CNTLN: variants seen among roughly 807,000 people sequenced by gnomAD.
The protein encoded by CNTLN is centlein, centrosomal protein.
CNTLN carries 212 observed loss-of-function variants against 180.0 expected under a neutral mutation model. That is an observed-to-expected ratio of 1.18 (90% CI 1.05 to 1.32). The LOEUF (loss-of-function observed/expected upper bound fraction) is 1.32, where lower values mean the gene tolerates loss of function less well. Among genes scored for constraint, CNTLN ranks in the 40% most tolerant of loss-of-function variants. The pLI is 0.00. For synonymous variants in CNTLN, 722 were observed against 563.1 expected (o/e 1.28, Z -3.99); for missense variants, 2,095 against 1,610.9 (o/e 1.30, Z -5.14).
intron 2 of CNTLN, among the ~76,000 whole-genome samples, chr9:17,150,483 G>C (rs142067704): frequency 2.6e-5 from 4 of 152,174 alleles, no homozygotes; most frequent in Non-Finnish European, 5.9e-5. Context: ...TTATTTCTGA[G>C]GCCTCCATTC....
At chr9:17,387,494 A>T (rs1216512868) in intron 13 of CNTLN, among the ~76,000 whole-genome samples, 2 of 151,936 alleles carry the variant, frequency 1.3e-5, no homozygotes, top group Non-Finnish European at 2.9e-5. Flanking sequence ...TTTTTCTTTA[A>T]GGTTGTTAAG....
At chr9:17,218,366 C>T (rs1459275856) in intron 2 of CNTLN, among the ~76,000 whole-genome samples, 2 of 151,852 alleles carry the variant, frequency 1.3e-5, no homozygotes, top group African/African-American at 4.8e-5. Context: ...TTTGCTTTTA[C>T]TGTGGAGTAA....
At chr9:17,327,146 T>TA (rs1820348192) in intron 8 of CNTLN, among the ~76,000 whole-genome samples, 1 of 150,776 alleles carries the variant, frequency 6.6e-6, no homozygotes, top group African/African-American at 2.4e-5. Flanking sequence ...ATAAAAAAAC[T>TA]GTTGTAAAAA....
chr9:17,377,442 G>C (rs1369668834), intron 13 of CNTLN, among the ~76,000 whole-genome samples: 2 of 152,156 alleles, frequency 1.3e-5, no homozygotes, highest in Non-Finnish European at 2.9e-5. Flanking sequence ...CTGGTAGGCT[G>C]AGACAGGATA....
intron 13 of CNTLN, among the ~76,000 whole-genome samples, chr9:17,377,644 G>C (rs1185045984): frequency 1.3e-5 from 2 of 152,142 alleles, no homozygotes; most frequent in Non-Finnish European, 2.9e-5. Flanking sequence ...AGATGTTTGA[G>C]AATATGATTC....
intron 2 of CNTLN, among the ~76,000 whole-genome samples, chr9:17,210,902 G>A (rs941897169): frequency 2.0e-4 from 30 of 152,028 alleles, no homozygotes; most frequent in Non-Finnish European, 3.5e-4. Flanking sequence ...TGATGGGGTT[G>A]TTTGTTTTTT....
chr9:17,295,792 T>C (rs1817858838), intron 6 of CNTLN, among the ~76,000 whole-genome samples: 2 of 151,958 alleles, frequency 1.3e-5, no homozygotes, highest in Non-Finnish European at 2.9e-5. Context: ...TTCCCGAGGG[T>C]TGTGTGGGGC....
At chr9:17,461,366 T>C (rs927551739) in intron 19 of CNTLN, among the ~76,000 whole-genome samples, 1 of 151,642 alleles carries the variant, frequency 6.6e-6, no homozygotes, top group African/African-American at 2.4e-5. Flanking sequence ...GTGCTGGAAA[T>C]AAGACACAAT....
intron 5 of CNTLN, among the ~76,000 whole-genome samples, chr9:17,249,008 G>T (rs964508397): frequency 1.3e-5 from 2 of 151,590 alleles, no homozygotes; most frequent in African/African-American, 4.8e-5. Flanking sequence ...ATTCTTTTAA[G>T]GAAATAAACT....
intron 3 of CNTLN, among the ~76,000 whole-genome samples, chr9:17,228,216 C>G (rs1824596548): frequency 6.6e-6 from 1 of 152,002 alleles, no homozygotes; most frequent in Admixed American, 6.6e-5. Flanking sequence ...GAAAATGTTG[C>G]CTTTTGTAAA....
At position 17,456,753 on chromosome 9, in the gene CNTLN, A is replaced by G. The variant is rs548079045; in HGVS notation, c.3115-771A>G. 4.6e-5 allele frequency among the ~76,000 whole-genome samples: 7 copies of G among 152,196 alleles called. No homozygotes were observed. In the East Asian group the frequency reaches 1.2e-3, roughly 25 times the overall value. ...AAAATAGTAATGCAAACACCCTCTT[A>G]AGCAGCTCTGAGTTGTTATGCCATT... On this transcript the variant is annotated intron_variant, in intron 18 of 25. Coordinates refer to ENST00000380647, the MANE Select transcript of CNTLN (RefSeq NM_017738.4).
the CNTLN span, among the ~76,000 whole-genome samples, chr9:17,526,186 C>T: frequency 2.6e-5 from 4 of 152,286 alleles, no homozygotes; most frequent in South Asian, 2.1e-4. Context: ...CCACCCACCT[C>T]GGCCTCCCAA....
intron 8 of CNTLN, among the ~76,000 whole-genome samples, chr9:17,321,979 G>A (rs147063517): frequency 7.9e-5 from 12 of 151,974 alleles, no homozygotes; most frequent in African/African-American, 2.2e-4. Flanking sequence ...GCTTATCATC[G>A]TATTTTTATA....
intron 12 of CNTLN, among the ~76,000 whole-genome samples, chr9:17,360,728 G>A (rs1014701337): frequency 2.0e-5 from 3 of 152,066 alleles, no homozygotes; most frequent in South Asian, 2.1e-4. Context: ...TTTTGCAGAC[G>A]TCCTTCTGGT....
intron 2 of CNTLN, among the ~76,000 whole-genome samples, chr9:17,152,736 ATCTG>A (rs1448998569): frequency 1.3e-5 from 2 of 152,164 alleles, no homozygotes; most frequent in African/African-American, 4.8e-5. Context: ...TGTTTCATTG[ATCTG>A]TCTGATATTG....
Position 17,332,646 on chromosome 9 carries a change from C to A in CNTLN, c.1560C>A (p.Ser520Arg). 6.8e-6 allele frequency: 11 copies of A among 1,607,702 alleles called. No homozygotes were observed. The highest frequency in any genetic ancestry group is 9.3e-6 in the Non-Finnish European group (11 of 1,177,552). The change falls in exon 10 of 26, where the codon AGC (serine) becomes AGA (arginine). Residue 520 changes from serine (S) to arginine (R), a missense_variant. Physicochemically the swap from Ser to Arg is moderately radical, Grantham distance 110 (BLOSUM62 -1). Transcript: ENST00000380647. ...GTTCAAGGTCTTTGTCCCCAAAGAGCTCTTTCACAGACTCAGAAGAGCTAC... is the reference window on the plus strand; with the variant it reads ...GTTCAAGGTCTTTGTCCCCAAAGAGATCTTTCACAGACTCAGAAGAGCTAC... ...VKRSRSLSPK[S>R]SFTDSEELQK...
At chr9:17,347,974 G>A (rs1226104159) in intron 12 of CNTLN, among the ~76,000 whole-genome samples, 1 of 152,042 alleles carries the variant, frequency 6.6e-6, no homozygotes, top group Admixed American at 6.5e-5. Context: ...TGGGGCTATA[G>A]ATGCTAGCCA....
In CNTLN at chr9:17,342,342, TAA is replaced by T; in HGVS notation, c.1786_1787del (p.Lys596GlufsTer13). ...AAAAATAGGACTGAAATCAGGAAAA[TAA>T]AGAGAGCAGATCCCCAACAACTTCG... On this transcript the variant is annotated frameshift_variant, in exon 12 of 26. Coordinates refer to ENST00000380647, the MANE Select transcript of CNTLN (RefSeq NM_017738.4). LOFTEE classifies it high-confidence loss of function. 1 of 1,612,014 alleles carries T rather than the reference TAA, an allele frequency of 6.2e-7. No individual in the cohort carries two copies. Among genetic ancestry groups the T allele is most frequent in the African/African-American group, 1.3e-5 (1 of 74,902 alleles).
intron 14 of CNTLN, among the ~76,000 whole-genome samples, chr9:17,393,325 C>T (rs1472973117): frequency 1.3e-5 from 2 of 152,152 alleles, no homozygotes. Context: ...TCGGAGTTGT[C>T]AGTATATCAA....
Sources: gnomAD v4.1 joint callset for allele counts (sites outside exome capture counted in the v4.1 genomes callset) on GRCh38, gnomAD v4.1.1 for gene constraint, MANE v1.5 for transcripts, NCBI Gene and HGNC (gene_info 2026-07-23, HGNC 2026-07-21) for gene names.